Variants in PCDHA9 observed in about 807,000 individuals in gnomAD.
The protein encoded by PCDHA9 is protocadherin alpha 9.
PCDHA9 carries 62 observed loss-of-function variants against 62.0 expected under a neutral mutation model. The ratio of observed to expected loss-of-function variants is 1.00; its 90% CI spans 0.81 to 1.23. The LOEUF (loss-of-function observed/expected upper bound fraction) is 1.23, where lower values mean the gene tolerates loss of function less well. Among genes scored for constraint, PCDHA9 ranks in the 50% most tolerant of loss-of-function variants. PCDHA9 has a pLI of 0.00. For synonymous variants in PCDHA9, 557 were observed against 567.6 expected, an observed-to-expected ratio of 0.98 and a Z score of 0.27; for missense variants, 1,205 against 1,249.8, an observed-to-expected ratio of 0.96 and a Z score of 0.54.
intron 1 of PCDHA9, among the ~76,000 whole-genome samples, chr5:140,897,000 T>C (rs2065833068): frequency 6.6e-6 from 1 of 152,180 alleles, no homozygotes; most frequent in Non-Finnish European, 1.5e-5. Context: ...CTTTTAGTTA[T>C]TTTTAAATAT....
intron 1 of PCDHA9, chr5:140,969,364 T>C: frequency 6.2e-7 from 1 of 1,610,368 alleles, no homozygotes; most frequent in Non-Finnish European, 8.5e-7. Context: ...TTCTACAAAC[T>C]CATGCATTTG....
chr5:140,935,765 A>G (rs1554210670), intron 1 of PCDHA9, among the ~76,000 whole-genome samples: 1 of 152,080 alleles, frequency 6.6e-6, no homozygotes, highest in Non-Finnish European at 1.5e-5. Flanking sequence ...ATTCTTCCCC[A>G]CTTTGAGTTT....
intron 1 of PCDHA9, among the ~76,000 whole-genome samples, chr5:140,970,594 T>C (rs975404675): frequency 6.6e-6 from 1 of 152,206 alleles, no homozygotes; most frequent in Admixed American, 6.5e-5. Flanking sequence ...ATATGCTTTG[T>C]GATACTTAAA....
chr5:140,990,184 A>G lies in PCDHA9; in HGVS notation c.2542+7621A>G, dbSNP rs1230599539. 1.3e-5 allele frequency among the ~76,000 whole-genome samples: 2 copies of G among 152,158 alleles called. 1 individual carries two copies. The highest frequency in any genetic ancestry group is 2.9e-5 in the Non-Finnish European group (2 of 68,034). ...GGGTATGAAAAGGTGACTTTTAAGA[A>G]CCAAATGTGGACCCGAAAGAGAACA... is the stretch of plus-strand genomic sequence containing the variant. On this transcript the variant is annotated intron_variant, in intron 3 of 3. Transcript: ENST00000532602.
chr5:140,939,488 T>C (rs1554212750), intron 1 of PCDHA9, among the ~76,000 whole-genome samples: 1 of 151,188 alleles, frequency 6.6e-6, no homozygotes, highest in Non-Finnish European at 1.5e-5. Flanking sequence ...AGAATGTTAA[T>C]TATAAATTCA....
intron 1 of PCDHA9, chr5:140,857,033 A>C: frequency 1.3e-6 from 2 of 1,595,572 alleles, no homozygotes; most frequent in Non-Finnish European, 8.6e-7. Flanking sequence ...AAACCCACCT[A>C]TGGTTGGTCA....
chr5:140,876,515 C>G (rs782705478), intron 1 of PCDHA9: 4 of 1,613,960 alleles, frequency 2.5e-6, no homozygotes, highest in Non-Finnish European at 3.4e-6. Flanking sequence ...GACAATGTCC[C>G]TGAAGTAATG....
At chr5:140,981,111 T>C (rs1275828842) in intron 2 of PCDHA9, among the ~76,000 whole-genome samples, 3 of 152,232 alleles carry the variant, frequency 2.0e-5, no homozygotes, top group African/African-American at 2.4e-5. Context: ...GAATTTCTAC[T>C]GGATATGTTG....
intron 1 of PCDHA9, chr5:140,854,285 T>C (rs888416864): frequency 1.9e-6 from 1 of 521,658 alleles, no homozygotes; most frequent in Admixed American, 6.5e-5. Flanking sequence ...GAGTTTAGTT[T>C]TTATTATTTT....
At chr5:140,979,244 T>C (rs1214932523) in intron 2 of PCDHA9, among the ~76,000 whole-genome samples, 1 of 152,224 alleles carries the variant, frequency 6.6e-6, no homozygotes, top group African/African-American at 2.4e-5. Context: ...AGAAACAGGC[T>C]GCTATGTATT....
intron 1 of PCDHA9, chr5:140,928,370 C>T (rs2085193734): frequency 6.2e-7 from 1 of 1,614,062 alleles, no homozygotes; most frequent in South Asian, 1.1e-5. Context: ...GAAGGGCCAT[C>T]AGCCTCTAGC....
intron 1 of PCDHA9, chr5:140,929,584 A>T: frequency 2.3e-6 from 1 of 433,584 alleles, no homozygotes; most frequent in Non-Finnish European, 4.1e-6. Context: ...GTAATATGAC[A>T]TAAAGGTCTA....
chr5:140,972,773 T>C (rs201511055), intron 1 of PCDHA9, among the ~76,000 whole-genome samples: 2 of 151,600 alleles, frequency 1.3e-5, no homozygotes, highest in African/African-American at 2.4e-5. Context: ...AAGTGATTCT[T>C]CTGCCTCAGC....
At chr5:140,919,417 T>C (rs782439186) in intron 1 of PCDHA9, among the ~76,000 whole-genome samples, 16 of 152,226 alleles carry the variant, frequency 1.1e-4, no homozygotes, top group Admixed American at 5.2e-4. Context: ...AGACTGACAA[T>C]TCTGCCTTTT....
At chr5:140,873,823 G>T (rs2054513552) in intron 1 of PCDHA9, among the ~76,000 whole-genome samples, 1 of 152,076 alleles carries the variant, frequency 6.6e-6, no homozygotes, top group Non-Finnish European at 1.5e-5. Context: ...ACCACTCCTG[G>T]CTAATTTTTG....
At chr5:140,875,342 A>G in intron 1 of PCDHA9, 1 of 1,443,152 alleles carries the variant, frequency 6.9e-7, no homozygotes, top group South Asian at 1.5e-5. Flanking sequence ...GATCGACTCC[A>G]TAATGACTGT....
At position 140,850,389 on chromosome 5, in the gene PCDHA9, A is replaced by G. The variant is rs2150482026; in HGVS notation, c.1894A>G (p.Ser632Gly). 7.5e-6 allele frequency: 12 copies of G among 1,597,864 alleles called. No homozygotes were observed. Among genetic ancestry groups the G allele is most frequent in the Non-Finnish European group, 1.0e-5 (12 of 1,167,656 alleles). ...FRVGLYTGEI[S>G]TTRALDETDA... is the part of the protein sequence containing the mutation. ...CGTGGGGCTGTACACGGGCGAGATC[A>G]GCACAACGCGTGCCCTGGACGAAAC... The change falls in exon 1 of 4, where the codon AGC becomes GGC. Residue 632 changes from serine to glycine, a missense_variant. Transcript: ENST00000532602.
chr5:140,854,238 G>A (rs2043048996), intron 1 of PCDHA9: 1 of 636,222 alleles, frequency 1.6e-6, no homozygotes, highest in Non-Finnish European at 2.0e-6. Flanking sequence ...GGATATTTAT[G>A]TTATCACTTG....
Position 141,010,227 on chromosome 5 carries a change from C to T in PCDHA9, c.*290C>T. 6.4e-7 allele frequency: 1 copy of T among 1,551,876 alleles called. No homozygotes were observed. The highest frequency in any genetic ancestry group is 8.7e-7 in the Non-Finnish European group (1 of 1,147,036). On this transcript the variant is annotated 3_prime_UTR_variant, in exon 4 of 4. Coordinates refer to ENST00000532602, the MANE Select transcript of PCDHA9 (RefSeq NM_031857.2). ...GCCGCAAAGGAGAGGCTTCCCAGCC[C>T]CGCCAGTGAGAGGTTGGACTCTCTG...
Sources: gnomAD v4.1 joint callset for allele counts (sites outside exome capture counted in the v4.1 genomes callset) on GRCh38, gnomAD v4.1.1 for gene constraint, MANE v1.5 for transcripts, NCBI Gene and HGNC (gene_info 2026-07-23, HGNC 2026-07-21) for gene names.